ZNF215: variants seen among roughly 807,000 people sequenced by gnomAD.
The protein encoded by ZNF215 is BWSCR2-associated zinc finger protein 2.
In ZNF215, 24 loss-of-function variants were observed where a neutral mutation model predicts 27.2. The observed-to-expected ratio is 0.88, with a 90% CI of 0.64 to 1.24. The LOEUF (loss-of-function observed/expected upper bound fraction) is 1.24, where lower values mean the gene tolerates loss of function less well. Among genes scored for constraint, ZNF215 ranks in the 50% most tolerant of loss-of-function variants. ZNF215 has a pLI of 0.00. For missense variants in ZNF215, 675 were observed against 605.7 expected (o/e 1.11, Z -1.20); for synonymous variants, 210 against 204.0 (o/e 1.03, Z -0.25).
Position 6,978,612 on chromosome 11 carries a change from C to T in ZNF215, c.806-5517C>T, listed in dbSNP as rs117051491. Reference sequence around the variant, plus strand: ...AAGTAGATGGACAGGTATGATATATCCAATATGGTAGAAGGTGAATAGAAG... The same window carrying T: ...AAGTAGATGGACAGGTATGATATATTCAATATGGTAGAAGGTGAATAGAAG... On this transcript the variant is annotated intron_variant, in intron 5 of 5. Transcript: ENST00000529903. 6.3e-3 allele frequency among the ~76,000 whole-genome samples: 955 copies of T among 151,850 alleles called. 6 individuals are homozygous for T. The highest frequency in any genetic ancestry group is 0.011 in the Non-Finnish European group (741 of 67,848).
At chr11:6,966,462 TC>T (rs925176018) in intron 5 of ZNF215, among the ~76,000 whole-genome samples, 5 of 148,434 alleles carry the variant, frequency 3.4e-5, no homozygotes, top group African/African-American at 1.2e-4. Context: ...CCTGTACATA[TC>T]CCCCCCAAAC....
chr11:6,959,062 A>G (rs1451763608), downstream of ZNF215, among the ~76,000 whole-genome samples: 11 of 152,258 alleles, frequency 7.2e-5, no homozygotes, highest in South Asian at 2.1e-4. Flanking sequence ...GCATCCTTCA[A>G]TCCAATCAAG....
At chr11:6,929,269 T>G (rs1296380043) in intron 2 of ZNF215, among the ~76,000 whole-genome samples, 1 of 152,152 alleles carries the variant, frequency 6.6e-6, no homozygotes, top group Admixed American at 6.5e-5. Flanking sequence ...TACAGGAAAA[T>G]AGAGAAGACA....
At chr11:6,970,006 T>A (rs1314025751) in intron 5 of ZNF215, among the ~76,000 whole-genome samples, 1 of 152,158 alleles carries the variant, frequency 6.6e-6, no homozygotes, top group African/African-American at 2.4e-5. Context: ...GTTCTCAAAC[T>A]CATGACCTTA....
At chr11:6,944,002 G>A (rs978397756) in intron 6 of ZNF215, among the ~76,000 whole-genome samples, 9 of 152,222 alleles carry the variant, frequency 5.9e-5, no homozygotes, top group Non-Finnish European at 7.3e-5. Context: ...ATGGCTGGGC[G>A]TGGTGGCTCA....
chr11:6,991,598 G>A (rs1442861683), downstream of ZNF215, among the ~76,000 whole-genome samples: 2 of 152,134 alleles, frequency 1.3e-5, no homozygotes, highest in Non-Finnish European at 2.9e-5. Context: ...TTTTCTCTTT[G>A]TGCTGTCAGT....
chr11:6,930,837 C>T (rs1332864329), intron 2 of ZNF215, among the ~76,000 whole-genome samples: 4 of 152,188 alleles, frequency 2.6e-5, no homozygotes, highest in Admixed American at 2.6e-4. Flanking sequence ...CATATAGTAA[C>T]TAGTACATCT....
chr11:6,953,583 C>T (rs1471052815), intron 6 of ZNF215, among the ~76,000 whole-genome samples: 1 of 152,236 alleles, frequency 6.6e-6, no homozygotes, highest in Non-Finnish European at 1.5e-5. Context: ...TTTTCAGCTC[C>T]ATCAGCTACT....
intron 5 of ZNF215, among the ~76,000 whole-genome samples, chr11:6,978,392 C>T (rs780747237): frequency 2.2e-4 from 33 of 151,888 alleles, no homozygotes; most frequent in African/African-American, 2.4e-5. Context: ...CAGAGATTAC[C>T]TCTGGTGGAT....
intron 6 of ZNF215, among the ~76,000 whole-genome samples, chr11:6,949,658 A>G (rs952117176): frequency 2.0e-5 from 3 of 152,128 alleles, no homozygotes; most frequent in African/African-American, 7.2e-5. Context: ...GTAGGTTGCG[A>G]AAATTTTCTC....
intron 5 of ZNF215, among the ~76,000 whole-genome samples, chr11:6,963,615 T>C (rs1216942279): frequency 6.6e-6 from 1 of 152,104 alleles, no homozygotes; most frequent in East Asian, 1.9e-4. Context: ...ACAGTTTGTG[T>C]TAAGATATGT....
chr11:6,956,476 A>C lies in ZNF215; in HGVS notation c.1499A>C (p.Asn500Thr), dbSNP rs1425186114. Residue 500 changes from asparagine (N) to threonine (T), a missense_variant, in exon 7 of 7, where the codon AAC becomes ACC. By Grantham distance (65) the Asn-to-Thr change is moderately conservative. Coordinates refer to ENST00000278319, the MANE Select transcript of ZNF215 (RefSeq NM_013250.4). ...TGTAAGGAATGTAGTAAAGCCTTCA[A>C]CAGGAGTTCAAACCTTGTTAAACAT... ...FKCKECSKAF[N>T]RSSNLVKHQK... The C allele has an allele frequency of 5.0e-6, 8 of 1,612,886 alleles. No individual in the cohort carries two copies. Among genetic ancestry groups the C allele is most frequent in the Middle Eastern group, 3.3e-4 (2 of 6,078 alleles).
chr11:6,956,063 T>C lies in ZNF215; in HGVS notation c.1086T>C (p.Ser362=), dbSNP rs759858822. ...AATATGAATATGGGAATGACTTGAG[T>C]TTGAGTACAGATATTCGACACCAAA... ...HSEYEYGNDL[S]LSTDIRHQKS... is the part of the protein sequence containing the mutation. Residue 362 remains serine (S), a synonymous_variant, in exon 7 of 7, where the codon AGT becomes AGC. Transcript: ENST00000278319. 1.6e-5 allele frequency: 26 copies of C among 1,610,478 alleles called. No homozygotes were observed. In the Admixed American group the frequency reaches 2.5e-4, roughly 16 times the overall value.
chr11:6,965,221 T>C (rs556577381), intron 5 of ZNF215, among the ~76,000 whole-genome samples: 1 of 152,178 alleles, frequency 6.6e-6, no homozygotes, highest in Non-Finnish European at 1.5e-5. Context: ...GTACATGTTA[T>C]ACAGAGTTTA....
rs146308190 is a variant in ZNF215 at position 6,934,416 on chromosome 11, A to G, written c.400+1744A>G. The stretch of plus-strand genomic sequence containing the variant: ...TCTATTGCTACTATAATAAATTACC[A>G]CAAACTTGGTGGCTTAAAACAACAT... On this transcript the variant is annotated intron_variant, in intron 3 of 6. Transcript: ENST00000278319. Among the ~76,000 whole-genome samples the G allele has an allele frequency of 2.0e-5, 3 of 152,316 alleles. No individual in the cohort carries two copies. In the East Asian group the frequency reaches 5.8e-4, roughly 29 times the overall value.
chr11:6,936,295 G>C (rs1262058725), intron 3 of ZNF215, among the ~76,000 whole-genome samples: 1 of 152,020 alleles, frequency 6.6e-6, no homozygotes, highest in East Asian at 1.9e-4. Context: ...CTAACATCAG[G>C]AAAAGTGGGG....
chr11:6,943,179 C>G lies in ZNF215; in HGVS notation c.580C>G (p.Leu194Val), dbSNP rs762599532. ...AAAGAACCTGTACAGGAATGTGATG[C>G]TGGAAAACTTTAGGAACCTGAATTC... is the stretch of plus-strand genomic sequence containing the variant. Reference protein sequence around the residue: ...AVKNLYRNVMLENFRNLNSLR... With the variant: ...AVKNLYRNVMVENFRNLNSLR... The change falls in exon 5 of 7, where the codon CTG becomes GTG. Residue 194 changes from leucine (L) to valine (V), a missense_variant. Physicochemically the swap from Leu to Val is conservative, Grantham distance 32. Coordinates refer to ENST00000278319, the MANE Select transcript of ZNF215 (RefSeq NM_013250.4). The G allele has an allele frequency of 1.2e-6, 2 of 1,613,488 alleles. No individual in the cohort carries two copies. The highest frequency in any genetic ancestry group is 1.7e-6 in the Non-Finnish European group (2 of 1,179,848).
intron 3 of ZNF215, among the ~76,000 whole-genome samples, chr11:6,936,020 A>T (rs960432544): frequency 6.6e-6 from 1 of 152,100 alleles, no homozygotes; most frequent in African/African-American, 2.4e-5. Context: ...ACATACCAAA[A>T]CTTATGACAT....
intron 1 of ZNF215, chr11:6,926,894 GC>G (rs749340604): frequency 2.0e-5 from 3 of 151,598 alleles, no homozygotes; most frequent in Non-Finnish European, 4.4e-5. Context: ...GAGGGCGCGA[GC>G]TGACGGGAGG....
Sources: allele counts gnomAD v4.1 joint callset (sites outside exome capture counted in the v4.1 genomes callset), GRCh38; gene constraint gnomAD v4.1.1; transcripts MANE v1.5; gene names NCBI Gene and HGNC (gene_info 2026-07-23, HGNC 2026-07-21).